TAF9B: variants seen among roughly 807,000 people sequenced by gnomAD.
TAF9B encodes TATA-box binding protein associated factor 9b, also known as transcription initiation factor TFIID subunit 9B.
Under a neutral mutation model 17.6 loss-of-function variants are expected in TAF9B, and 47 were observed. The observed-to-expected ratio is 2.68, with a 90% CI of 2.12 to 3.41. The LOEUF (loss-of-function observed/expected upper bound fraction) is 3.41. Ranked by LOEUF, TAF9B falls within the 30% of genes most tolerant of loss-of-function variation. The pLI is 0.00. For synonymous variants in TAF9B, 84 were observed against 68.7 expected (o/e 1.22, Z -1.10); for missense variants, 218 against 189.3 (o/e 1.15, Z -0.89).
At chrX:78,134,915 G>C (rs2078428338) in intron 5 of TAF9B, among the ~76,000 whole-genome samples, 2 of 109,703 alleles carry the variant, frequency 1.8e-5, no homozygotes, top group African/African-American at 6.6e-5. Flanking sequence ...CAATTGAACA[G>C]AGTAAATACT....
chrX:78,138,566 T>G (rs1225225108), intron 2 of TAF9B, among the ~76,000 whole-genome samples: 1 of 112,136 alleles, frequency 8.9e-6, no homozygotes, highest in African/African-American at 3.2e-5. Flanking sequence ...GAGGCCAGCC[T>G]GGGCAATATG....
intron 2 of TAF9B, among the ~76,000 whole-genome samples, chrX:78,138,535 G>A (rs782522399): frequency 3.6e-4 from 40 of 112,519 alleles, no homozygotes; most frequent in Non-Finnish European, 6.4e-4. Flanking sequence ...GAGATGGGGG[G>A]ATCACTTGAG....
At chrX:78,132,281 A>G (rs1344911969) in intron 6 of TAF9B, among the ~76,000 whole-genome samples, 2 of 112,079 alleles carry the variant, frequency 1.8e-5, no homozygotes, top group African/African-American at 6.5e-5. Context: ...GGTGTGAGCC[A>G]TTGTACCCTG....
rs1557249488 is a variant in TAF9B, at chrX:78,131,681, G to A, written c.685C>T (p.Gln229Ter). The change falls in exon 7 of 7, where the codon CAG becomes TAG. Residue 229 changes from glutamine (Q) to a stop codon, truncating the protein, a stop_gained. Coordinates refer to ENST00000341864, the MANE Select transcript of TAF9B (RefSeq NM_015975.5). LOFTEE classifies it high-confidence loss of function. ...GGGTTTGCTTCATTGGCTGTGTTCT[G>A]TGACGAAACCATGTTGGTGGTAATA... The part of the protein sequence containing the change: ...ILITTNMVSS[Q>*]NTANEANPLK... 8.3e-7 allele frequency: 1 copy of A among 1,210,247 alleles called. No individual in the cohort carries two copies. The highest frequency in any genetic ancestry group is 1.8e-5 in the South Asian group (1 of 56,899).
In TAF9B at chrX:78,129,843, T is replaced by C. The variant is rs2078401516; in HGVS notation, c.*1767A>G. On this transcript the variant is annotated 3_prime_UTR_variant, in exon 7 of 7. Transcript: ENST00000341864. The stretch of plus-strand genomic sequence containing the variant: ...CTGAAAGAATTTTCACATATACCAA[T>C]TGAACCCTCACAACAGCCCTGTGAG... 1 of 112,035 alleles carries C rather than the reference T, an allele frequency of 8.9e-6. No individual in the cohort carries two copies. The highest frequency in any genetic ancestry group is 4.6e-3 in the Middle Eastern group (1 of 217). The allele number at this position is 112,035 out of a possible 1,213,427, so 9.2% of individuals were successfully genotyped here.
rs1373171132 is a variant in TAF9B at position 78,131,040 on chromosome X, G to A, written c.*570C>T. 9.0e-6 allele frequency: 1 copy of A among 111,486 alleles called. No homozygotes were observed. 9.2% of individuals were successfully genotyped at this position (111,486 alleles called of 1,213,427 possible). Reference sequence around the variant, plus strand: ...AGAGAAACAAGCCTATGGGGGAGGTGCAGAAAATGAATGGGATCTAGAAAG... The same window carrying A: ...AGAGAAACAAGCCTATGGGGGAGGTACAGAAAATGAATGGGATCTAGAAAG... On this transcript the variant is annotated 3_prime_UTR_variant, in exon 7 of 7. Transcript: ENST00000341864.
At chrX:78,131,835 T>TATG in intron 6 of TAF9B, 62 bp from the exon 7 acceptor site, 1 of 1,062,480 alleles carries the variant, frequency 9.4e-7, no homozygotes, top group East Asian at 3.0e-5. Flanking sequence ...ATCTGAAACA[T>TATG]ATGATAAAAA....
Position 78,138,071 on chromosome X carries a change from G to T in TAF9B, c.161C>A (p.Ala54Glu). Residue 54 changes from alanine to glutamate, a missense_variant, in exon 3 of 7, where the codon GCA becomes GAA. Physicochemically the swap from Ala to Glu is moderately radical, Grantham distance 107 (BLOSUM62 -1). Transcript: ENST00000341864. ...FRYVTTILDD[A>E]KIYSSHAKKP... Reference sequence around the variant, plus strand: ...CTTAGCATGGCTCGAATAAATTTTTGCATCATCCAGAATTGTAGTCACATA... The same window carrying T: ...CTTAGCATGGCTCGAATAAATTTTTTCATCATCCAGAATTGTAGTCACATA... The T allele has an allele frequency of 8.3e-7, 1 of 1,204,977 alleles. No homozygotes were observed. Among genetic ancestry groups the T allele is most frequent in the African/African-American group, 1.7e-5 (1 of 57,473 alleles).
Position 78,131,792 on chromosome X carries a change from GC to G in TAF9B, c.593-20del, listed in dbSNP as rs782774124. ...GCAGGAACTGTAAACAGAGAAGAAA[GC>G]CCCCCCAAAACCAAGCTATGAATTA... On this transcript the variant is annotated intron_variant, in intron 6 of 6. Coordinates refer to ENST00000341864, the MANE Select transcript of TAF9B (RefSeq NM_015975.5). 7 of 1,188,444 alleles carry G rather than the reference GC, an allele frequency of 5.9e-6. No homozygotes were observed. In the African/African-American group the frequency reaches 7.1e-5, roughly 12 times the overall value.
chrX:78,139,621 C>T lies in TAF9B; in HGVS notation c.-10G>A, dbSNP rs782627749. 5 of 1,211,622 alleles carry T rather than the reference C, an allele frequency of 4.1e-6. No individual in the cohort carries two copies. The highest frequency in any genetic ancestry group is 5.6e-6 in the Non-Finnish European group (5 of 895,183). ...TCTTGCCCGACTCCATGTTATCCAG[C>T]CACTCGTCATCCGCGGAGACAGAGG... is the stretch of plus-strand genomic sequence containing the variant. On this transcript the variant is annotated 5_prime_UTR_variant, in exon 1 of 7. Coordinates refer to ENST00000341864, the MANE Select transcript of TAF9B (RefSeq NM_015975.5).
intron 5 of TAF9B, 84 bp from the exon 6 acceptor site, chrX:78,133,532 C>G: frequency 3.0e-6 from 2 of 675,639 alleles, no homozygotes; most frequent in Non-Finnish European, 4.7e-6. Flanking sequence ...AAACTATCTT[C>G]AAAGCAAAGG....
intron 2 of TAF9B, among the ~76,000 whole-genome samples, chrX:78,138,372 A>C (rs1379842164): frequency 8.9e-6 from 1 of 112,714 alleles, no homozygotes; most frequent in Admixed American, 9.4e-5. Context: ...TTTTAAACAG[A>C]TATCACAGTG....
At chrX:78,135,652 C>T (rs2078431437) in intron 5 of TAF9B, among the ~76,000 whole-genome samples, 1 of 111,198 alleles carries the variant, frequency 9.0e-6, no homozygotes, top group Admixed American at 9.5e-5. Context: ...AACTATCAGG[C>T]GTTTTTTGGT....
intron 5 of TAF9B, among the ~76,000 whole-genome samples, chrX:78,136,289 A>C (rs1382256599): frequency 1.8e-5 from 2 of 111,983 alleles, no homozygotes; most frequent in Non-Finnish European, 3.8e-5. Context: ...CTCTTTGGAC[A>C]AGTGGATGAT....
intron 5 of TAF9B, among the ~76,000 whole-genome samples, chrX:78,136,332 G>A (rs1184551279): frequency 8.9e-6 from 1 of 112,043 alleles, no homozygotes; most frequent in Non-Finnish European, 1.9e-5. Context: ...ATAAAGATGA[G>A]TTTGGAACAT....
chrX:78,137,707 T>G (rs1241080257), intron 4 of TAF9B, 42 bp downstream of exon 4: 1 of 1,149,262 alleles, frequency 8.7e-7, no homozygotes, highest in Non-Finnish European at 1.2e-6. Flanking sequence ...CCCTATCATA[T>G]TCCACCTTTT....
At position 78,139,631 on chromosome X, in the gene TAF9B, T is replaced by A; in HGVS notation, c.-20A>T. The A allele has an allele frequency of 5.0e-6, 6 of 1,211,019 alleles. No homozygotes were observed. The South Asian group carries it at 5.3e-5, about 11-fold the overall frequency. ...CTCCATGTTATCCAGCCACTCGTCATCCGCGGAGACAGAGGAGAGAGGAGA... is the reference window on the plus strand; with the variant it reads ...CTCCATGTTATCCAGCCACTCGTCAACCGCGGAGACAGAGGAGAGAGGAGA... On this transcript the variant is annotated 5_prime_UTR_variant, in exon 1 of 7. An upstream start codon of the reference 5' UTR is lost. Transcript: ENST00000341864.
At chrX:78,131,850 A>G in intron 6 of TAF9B, 77 bp from the exon 7 acceptor site, 2 of 955,131 alleles carry the variant, frequency 2.1e-6, no homozygotes, top group South Asian at 5.1e-5. Context: ...TAAAAAGTAT[A>G]CAACAAAGCT....
At chrX:78,133,510 T>G (rs554313604) in intron 5 of TAF9B, 62 bp from the exon 6 acceptor site, 1 of 837,801 alleles carries the variant, frequency 1.2e-6, no homozygotes, top group South Asian at 2.2e-5. Context: ...TATTCTACAC[T>G]CAGCTTACCG....
Sources: gnomAD v4.1 joint callset for allele counts (sites outside exome capture counted in the v4.1 genomes callset) on GRCh38, gnomAD v4.1.1 for gene constraint, MANE v1.5 for transcripts, NCBI Gene and HGNC (gene_info 2026-07-23, HGNC 2026-07-21) for gene names.